TMPRSS9: variants seen among roughly 807,000 people sequenced by gnomAD.
The protein encoded by TMPRSS9 is transmembrane serine protease 9.
A neutral mutation model predicts 111.4 loss-of-function variants in TMPRSS9; 113 were observed. That is an observed-to-expected ratio of 1.01 (90% CI 0.87 to 1.19). The LOEUF (loss-of-function observed/expected upper bound fraction) is 1.19, where lower values mean the gene tolerates loss of function less well. Ranked by LOEUF, TMPRSS9 falls within the 50% of genes most tolerant of loss-of-function variation. The pLI is 0.00. For synonymous variants in TMPRSS9, 805 were observed against 659.1 expected, an observed-to-expected ratio of 1.22 and a Z score of -3.39; for missense variants, 1,803 against 1,513.1, an observed-to-expected ratio of 1.19 and a Z score of -3.18.
intron 7 of TMPRSS9, among the ~76,000 whole-genome samples, chr19:2,405,995 C>T (rs1311438568): frequency 1.3e-5 from 2 of 148,148 alleles, no homozygotes; most frequent in Admixed American, 1.4e-4. Flanking sequence ...CGTGCCCGGC[C>T]TCTTTTCTTT....
intron 17 of TMPRSS9, chr19:2,425,715 A>G: frequency 8.6e-7 from 1 of 1,164,934 alleles, no homozygotes; most frequent in Non-Finnish European, 1.2e-6. Flanking sequence ...CAGAGCAGGC[A>G]GAGGCTGCAG....
At position 2,390,753 on chromosome 19, in the gene TMPRSS9, T is replaced by C. The variant is rs184031569; in HGVS notation, c.142+826T>C. The stretch of plus-strand genomic sequence containing the variant: ...CTGCAGTCCCAGCTACTCAGGAGGC[T>C]GAGGCAGGAGAATCGCTTGAACCTG... On this transcript the variant is annotated intron_variant, in intron 1 of 17. Coordinates refer to ENST00000648592, the Ensembl canonical transcript of TMPRSS9. Among the ~76,000 whole-genome samples the C allele has an allele frequency of 3.6e-3, 540 of 151,972 alleles. 7 individuals are homozygous for C. The highest frequency in any genetic ancestry group is 0.012 in the African/African-American group (496 of 41,496).
intron 1 of TMPRSS9, among the ~76,000 whole-genome samples, chr19:2,367,038 T>C (rs987829605): frequency 6.6e-6 from 1 of 151,800 alleles, no homozygotes; most frequent in African/African-American, 2.4e-5. Context: ...GCTGCTTGCT[T>C]CCCCCAGGGC....
intron 1 of TMPRSS9, among the ~76,000 whole-genome samples, chr19:2,384,000 A>G (rs1023159201): frequency 1.3e-5 from 2 of 151,914 alleles, no homozygotes; most frequent in Non-Finnish European, 1.5e-5. Flanking sequence ...GGTGTTCTGT[A>G]TCTTATCTGC....
exon 8 of TMPRSS9, chr19:2,408,527 C>T (rs141252745): frequency 2.9e-5 from 47 of 1,613,698 alleles, no homozygotes; most frequent in Admixed American, 2.3e-4. Flanking sequence ...CTCTGCCTTT[C>T]GGCCGGCACA....
chr19:2,390,054 G>C, intron 1 of TMPRSS9, 127 bp downstream of exon 2: 1 of 1,231,746 alleles, frequency 8.1e-7, no homozygotes, highest in South Asian at 1.4e-5. Context: ...TGGAGATGAA[G>C]GCTGCCCTAG....
Position 2,391,856 on chromosome 19 carries a change from C to G in TMPRSS9, c.142+1929C>G, listed in dbSNP as rs796233082. On this transcript the variant is annotated intron_variant, in intron 1 of 17. Coordinates refer to ENST00000648592, the Ensembl canonical transcript of TMPRSS9. Reference sequence around the variant, plus strand: ...ACCCAGGTTCAAGCGATTCTCCTGCCTCAGCCTCCTGGGTAGCTGAGATTA... The same window carrying G: ...ACCCAGGTTCAAGCGATTCTCCTGCGTCAGCCTCCTGGGTAGCTGAGATTA... Among the ~76,000 whole-genome samples, 4 of 151,746 alleles carry G rather than the reference C, an allele frequency of 2.6e-5. No homozygotes were observed. The South Asian group carries it at 8.3e-4, about 32-fold the overall frequency.
intron 1 of TMPRSS9, among the ~76,000 whole-genome samples, chr19:2,370,692 C>G (rs960041152): frequency 2.6e-5 from 4 of 151,826 alleles, no homozygotes; most frequent in African/African-American, 9.7e-5. Context: ...CAGGATGAAT[C>G]CAGCCTTCAG....
chr19:2,423,393 G>A (rs1481127515), intron 14 of TMPRSS9, among the ~76,000 whole-genome samples: 1 of 150,812 alleles, frequency 6.6e-6, no homozygotes, highest in Non-Finnish European at 1.5e-5. Flanking sequence ...ACGGTGCCAA[G>A]GCTGGTGGGG....
chr19:2,365,351 G>T (rs1318412789), intron 1 of TMPRSS9, among the ~76,000 whole-genome samples: 3 of 151,950 alleles, frequency 2.0e-5, no homozygotes, highest in Non-Finnish European at 4.4e-5. Flanking sequence ...AAAAAAAGGA[G>T]ACCAAGCTTA....
rs1030986348 is a variant in TMPRSS9, at chr19:2,420,832, G to A, written c.2155-1022G>A. Among the ~76,000 whole-genome samples the A allele has an allele frequency of 7.2e-4, 109 of 152,112 alleles. 1 individual carries two copies. The highest frequency in any genetic ancestry group is 1.4e-3 in the African/African-American group (59 of 41,464). ...ATCTGACAATAAAAATAGAATAATA[G>A]GTATTTATAGTATCTATTATTATAC... On this transcript the variant is annotated intron_variant, in intron 13 of 17. Coordinates refer to ENST00000648592, the Ensembl canonical transcript of TMPRSS9.
At chr19:2,390,236 TTTTTTTG>T (rs1302407969) in intron 1 of TMPRSS9, among the ~76,000 whole-genome samples, 4 of 129,698 alleles carry the variant, frequency 3.1e-5, no homozygotes, top group East Asian at 2.0e-4. Context: ...AAGTAGTTTT[TTTTTTTG>T]TTTTTTTTTT....
chr19:2,364,630 T>TCCC (rs1207718913), intron 1 of TMPRSS9, among the ~76,000 whole-genome samples: 1 of 151,272 alleles, frequency 6.6e-6, no homozygotes, highest in African/African-American at 2.4e-5. Flanking sequence ...GTGCAGAGAG[T>TCCC]CCCCGCACAC....
chr19:2,403,141 C>T (rs758628076), exon 6 of TMPRSS9: 29 of 1,612,638 alleles, frequency 1.8e-5, no homozygotes, highest in Non-Finnish European at 2.1e-5. Context: ...CAAGGTGAAC[C>T]CGGAGTGTGA....
chr19:2,368,811 G>T, intron 1 of TMPRSS9, among the ~76,000 whole-genome samples: 1 of 42,460 alleles, frequency 2.4e-5, no homozygotes, highest in Non-Finnish European at 4.8e-5. Context: ...TAAAGACAGA[G>T]TCTCACTCTG....
intron 1 of TMPRSS9, among the ~76,000 whole-genome samples, chr19:2,381,326 G>C (rs1599279368): frequency 6.6e-6 from 1 of 151,926 alleles, no homozygotes; most frequent in East Asian, 1.9e-4. Flanking sequence ...GGTCAGCAGA[G>C]GCAGCTGGGG....
intron 17 of TMPRSS9, 157 bp from the exon 19 acceptor site, chr19:2,425,770 A>T: frequency 8.1e-7 from 1 of 1,241,204 alleles, no homozygotes; most frequent in South Asian, 1.6e-5. Flanking sequence ...GGGTGTCCAT[A>T]AATGTCTGCC....
chr19:2,366,204 G>A (rs532667258), intron 1 of TMPRSS9, among the ~76,000 whole-genome samples: 21 of 151,792 alleles, frequency 1.4e-4, no homozygotes, highest in African/African-American at 2.4e-4. Flanking sequence ...AAAATTAGCC[G>A]GGTGTGGTGG....
chr19:2,414,104 T>A, intron 10 of TMPRSS9, 86 bp downstream of exon 11: 1 of 1,371,466 alleles, frequency 7.3e-7, no homozygotes, highest in Non-Finnish European at 9.7e-7. Context: ...ATCTTCATAA[T>A]TTTGGATCTT....
Sources: gnomAD v4.1 joint callset for allele counts (sites outside exome capture counted in the v4.1 genomes callset) on GRCh38, gnomAD v4.1.1 for gene constraint, MANE v1.5 for transcripts, NCBI Gene and HGNC (gene_info 2026-07-23, HGNC 2026-07-21) for gene names.